Variants in NRXN3 observed in about 807,000 individuals in gnomAD.
NRXN3 encodes neurexin 3, also known as neurexin III.
Under a neutral mutation model 137.6 loss-of-function variants are expected in NRXN3, and 32 were observed. The ratio of observed to expected loss-of-function variants is 0.23; its 90% CI spans 0.18 to 0.31. The LOEUF is 0.31. Among genes scored for constraint, NRXN3 ranks in the 10% least tolerant of loss-of-function variants. The pLI is 1.00. For missense variants in NRXN3, 1,574 were observed against 2,062.5 expected, an observed-to-expected ratio of 0.76 and a Z score of 4.59; for synonymous variants, 798 against 784.5, an observed-to-expected ratio of 1.02 and a Z score of -0.29.
At chr14:79,518,136 C>T (rs2097016621) in intron 16 of NRXN3, among the ~76,000 whole-genome samples, 1 of 151,894 alleles carries the variant, frequency 6.6e-6, no homozygotes, top group Non-Finnish European at 1.5e-5. Flanking sequence ...AACTCCTGAC[C>T]TCATGTGATC....
chr14:79,358,914 A>G (rs2093585639), intron 15 of NRXN3, among the ~76,000 whole-genome samples: 1 of 152,206 alleles, frequency 6.6e-6, no homozygotes, highest in Admixed American at 6.5e-5. Context: ...CAACTAGGGC[A>G]AAGGGGAAAA....
intron 15 of NRXN3, among the ~76,000 whole-genome samples, chr14:79,041,330 T>A (rs1392650801): frequency 2.6e-5 from 4 of 152,164 alleles, no homozygotes; most frequent in Non-Finnish European, 5.9e-5. Flanking sequence ...ATAGAGATAG[T>A]AGCTGAGTTT....
At chr14:78,341,048 G>C (rs2082090661) in intron 4 of NRXN3, among the ~76,000 whole-genome samples, 1 of 152,048 alleles carries the variant, frequency 6.6e-6, no homozygotes, top group Non-Finnish European at 1.5e-5. Context: ...GAAATGTTTG[G>C]AACATGCTTG....
intron 16 of NRXN3, among the ~76,000 whole-genome samples, chr14:79,557,444 T>C (rs996169441): frequency 6.6e-6 from 1 of 152,124 alleles, no homozygotes. Context: ...CAAGTCAGTA[T>C]TCATATTAGG....
intron 8 of NRXN3, among the ~76,000 whole-genome samples, chr14:78,781,387 G>C (rs1476365848): frequency 6.6e-6 from 1 of 152,058 alleles, no homozygotes; most frequent in Admixed American, 6.5e-5. Flanking sequence ...CAGAATGTTA[G>C]GAATTAATAA....
chr14:79,378,665 A>G (rs1405115465), intron 15 of NRXN3, among the ~76,000 whole-genome samples: 1 of 152,178 alleles, frequency 6.6e-6, no homozygotes, highest in Non-Finnish European at 1.5e-5. Flanking sequence ...AGCAGAGACT[A>G]TGTCTGATTC....
intron 4 of NRXN3, among the ~76,000 whole-genome samples, chr14:78,551,145 T>C (rs1043602460): frequency 6.6e-5 from 10 of 152,312 alleles, no homozygotes; most frequent in African/African-American, 2.4e-4. Flanking sequence ...TAATGCTCAG[T>C]TAATGAGGCT....
chr14:79,803,996 T>C (rs2099193413), intron 19 of NRXN3, among the ~76,000 whole-genome samples: 2 of 149,508 alleles, frequency 1.3e-5, no homozygotes, highest in African/African-American at 4.9e-5. Context: ...TATATATGTA[T>C]GTATGTATGT....
At chr14:79,854,023 C>T (rs1465388372) in intron 20 of NRXN3, 1 of 983,986 alleles carries the variant, frequency 1.0e-6, no homozygotes, top group African/African-American at 1.8e-5. Context: ...GTGTTGTTGC[C>T]TCCCTGTATC....
At chr14:78,416,311 T>C (rs924480037) in intron 4 of NRXN3, among the ~76,000 whole-genome samples, 1 of 152,188 alleles carries the variant, frequency 6.6e-6, no homozygotes, top group Non-Finnish European at 1.5e-5. Flanking sequence ...TTTTCAGACA[T>C]GGCTTCAGAG....
chr14:79,083,905 GTTTA>G (rs1286715288), intron 15 of NRXN3, among the ~76,000 whole-genome samples: 1 of 152,022 alleles, frequency 6.6e-6, no homozygotes, highest in African/African-American at 2.4e-5. Flanking sequence ...AAAGTTTTTT[GTTTA>G]TTTGTTTGTT....
chr14:78,645,047 C>A, intron 4 of NRXN3, 73 bp from the exon 5 acceptor site: 1 of 1,329,026 alleles, frequency 7.5e-7, no homozygotes, highest in Non-Finnish European at 1.0e-6. Context: ...GCGGTGTGTT[C>A]TCTTTGGTAT....
intron 4 of NRXN3, among the ~76,000 whole-genome samples, chr14:78,338,017 G>T (rs1286093081): frequency 6.6e-6 from 1 of 152,106 alleles, no homozygotes; most frequent in Non-Finnish European, 1.5e-5. Flanking sequence ...ATGGAGAATG[G>T]GGTGTGAGTA....
intron 10 of NRXN3, 62 bp from the exon 11 acceptor site, chr14:78,957,180 C>A (rs1597876586): frequency 1.9e-6 from 3 of 1,583,548 alleles, no homozygotes; most frequent in African/African-American, 2.7e-5. Context: ...TTTTGACAAC[C>A]CTGATGCATG....
rs545137912 is a variant in NRXN3, at chr14:78,877,394, T to G, written c.2275+67050T>G. On this transcript the variant is annotated intron_variant, in intron 10 of 20. Coordinates refer to ENST00000335750, the MANE Select transcript of NRXN3 (RefSeq NM_001330195.2). ...GCCATCCCTTCTCTGAAGCTTTCCC[T>G]GACTTCTCTACCTTCCATCTAGATG... Among the ~76,000 whole-genome samples the G allele has an allele frequency of 8.9e-4, 136 of 152,340 alleles. No homozygotes were observed. The South Asian group carries it at 0.011, about 12-fold the overall frequency.
chr14:79,161,635 C>T (rs564573473), intron 15 of NRXN3, among the ~76,000 whole-genome samples: 2 of 152,048 alleles, frequency 1.3e-5, no homozygotes, highest in South Asian at 2.1e-4. Context: ...GGATGTGGCA[C>T]GTATCATTCA....
Position 79,366,507 on chromosome 14 carries a change from A to G in NRXN3, c.3263-100714A>G, listed in dbSNP as rs140525825. On this transcript the variant is annotated intron_variant, in intron 15 of 20. Transcript: ENST00000335750. ...TCTGGTAACTGTCATTCTACTCTCT[A>G]TCTTCATGAGTTCAATTGTTTTAAT... is the stretch of plus-strand genomic sequence containing the variant. 6.5e-3 allele frequency among the ~76,000 whole-genome samples: 983 copies of G among 152,040 alleles called. 9 individuals carry two copies. Among genetic ancestry groups the G allele is most frequent in the African/African-American group, 0.023 (960 of 41,464 alleles).
intron 19 of NRXN3, among the ~76,000 whole-genome samples, chr14:79,788,330 C>T (rs748342017): frequency 2.0e-5 from 3 of 152,166 alleles, no homozygotes; most frequent in Non-Finnish European, 4.4e-5. Context: ...CCATATCACC[C>T]GTCTTACCCA....
intron 4 of NRXN3, among the ~76,000 whole-genome samples, chr14:78,438,711 T>C (rs541443049): frequency 8.9e-4 from 135 of 152,010 alleles, no homozygotes; most frequent in Non-Finnish European, 1.4e-3. Flanking sequence ...GCCTAGCCCC[T>C]GAGGGACAAT....
Sources: allele counts gnomAD v4.1 joint callset (sites outside exome capture counted in the v4.1 genomes callset), GRCh38; gene constraint gnomAD v4.1.1; transcripts MANE v1.5; gene names NCBI Gene and HGNC (gene_info 2026-07-23, HGNC 2026-07-21).